The following UBR4 variants were observed in gnomAD, a reference collection of about 807,000 sequenced individuals.
UBR4 encodes the protein E3 ubiquitin-protein ligase UBR4.
In UBR4, 124 loss-of-function variants were observed where a neutral mutation model predicts 575.6. That is an observed-to-expected ratio of 0.22 (90% CI 0.19 to 0.25). The LOEUF is 0.25. UBR4 is among the 10% of genes least tolerant of loss of function. UBR4 has a pLI of 1.00. For missense variants in UBR4, 4,818 were observed against 6,478.8 expected (o/e 0.74, Z 8.80); for synonymous variants, 2,455 against 2,473.7 (o/e 0.99, Z 0.22).
intron 60 of UBR4, among the ~76,000 whole-genome samples, chr1:19,130,219 C>A (rs1227280640): frequency 6.6e-6 from 1 of 152,064 alleles, no homozygotes; most frequent in Non-Finnish European, 1.5e-5. Flanking sequence ...GAGCTACTGT[C>A]CCCAGCCCAG....
At chr1:19,177,784 A>G (rs369746256) in intron 18 of UBR4, 41 bp from the exon 19 acceptor site, 12 of 1,592,384 alleles carry the variant, frequency 7.5e-6, no homozygotes, top group Non-Finnish European at 1.0e-5. Flanking sequence ...TGGGAAAAAG[A>G]GCATTCCCCA....
intron 11 of UBR4, among the ~76,000 whole-genome samples, chr1:19,188,136 C>T (rs1184438646): frequency 1.3e-5 from 2 of 151,914 alleles, no homozygotes; most frequent in Non-Finnish European, 1.5e-5. Context: ...CAGTTCAAGG[C>T]TAATGGGTTA....
Position 19,172,851 on chromosome 1 carries a change from C to T in UBR4, c.3521+13G>A, listed in dbSNP as rs1171662911. ...GAGTGCATGTGCATCTCTGGGCAGGCAGTTCGCCACACCTGGTGAACGATG... is the reference window on the plus strand; with the variant it reads ...GAGTGCATGTGCATCTCTGGGCAGGTAGTTCGCCACACCTGGTGAACGATG... On this transcript the variant is annotated intron_variant, in intron 25 of 105. Coordinates refer to ENST00000375254, the MANE Select transcript of UBR4 (RefSeq NM_020765.3). The T allele has an allele frequency of 6.2e-7, 1 of 1,613,054 alleles. No individual in the cohort carries two copies. Among genetic ancestry groups the T allele is most frequent in the Non-Finnish European group, 8.5e-7 (1 of 1,179,038 alleles).
chr1:19,157,790 A>G lies in UBR4; in HGVS notation c.5760+25T>C. On this transcript the variant is annotated intron_variant, in intron 40 of 105. Transcript: ENST00000375254. The surrounding 1 kb of genome is among the most constrained non-coding windows in gnomAD (Gnocchi z 4.4). ...ATTTAAGACAATATGACCTAAAGTAAGCGCACAAGAATTGGAGGACCCACC... is the reference window on the plus strand; with the variant it reads ...ATTTAAGACAATATGACCTAAAGTAGGCGCACAAGAATTGGAGGACCCACC... The G allele has an allele frequency of 6.2e-7, 1 of 1,608,706 alleles. No individual in the cohort carries two copies. The highest frequency in any genetic ancestry group is 2.2e-5 in the East Asian group (1 of 44,688).
rs758044395 is a variant in UBR4 at position 19,139,650 on chromosome 1, T to C, written c.8594-430A>G. Among the ~76,000 whole-genome samples, 19 of 152,330 alleles carry C rather than the reference T, an allele frequency of 1.2e-4. No homozygotes were observed. The highest frequency in any genetic ancestry group is 2.5e-4 in the Non-Finnish European group (17 of 68,022). On this transcript the variant is annotated intron_variant, in intron 58 of 105. Transcript: ENST00000375254. This position sits in a 1 kb window ranked among gnomAD's most constrained non-coding sequence, Gnocchi z 4.2. ...AAACTAGCCATTACCATTCAAAGCATAGAACTCTGAATTTTAATGAGACTT... is the reference window on the plus strand; with the variant it reads ...AAACTAGCCATTACCATTCAAAGCACAGAACTCTGAATTTTAATGAGACTT...
intron 81 of UBR4, among the ~76,000 whole-genome samples, chr1:19,108,591 G>C (rs1487217084): frequency 6.6e-6 from 1 of 152,080 alleles, no homozygotes; most frequent in African/African-American, 2.4e-5. Context: ...TTTCATCAAG[G>C]ATATTCTTGA....
At chr1:19,176,796 A>G in intron 19 of UBR4, 69 bp from the exon 20 acceptor site, 5 of 1,549,788 alleles carry the variant, frequency 3.2e-6, no homozygotes, top group South Asian at 1.1e-5. Context: ...CTCAGGCATG[A>G]TAATAGCTCG....
In UBR4 at chr1:19,184,143, G is replaced by A. The variant is rs368696606; in HGVS notation, c.1971C>T (p.Phe657=). The change falls in exon 16 of 106, where the codon TTC becomes TTT. Residue 657 remains phenylalanine (F), a synonymous_variant. Transcript: ENST00000375254. The stretch of plus-strand genomic sequence containing the variant: ...GAGAGTTCAGCATGGAAGAGGTGAT[G>A]AAGTTCAAAATGTTGGAAGCCAGAC... ...FLGLASNILN[F]ITSSMLNSRN... 9 of 1,614,046 alleles carry A rather than the reference G, an allele frequency of 5.6e-6. No individual in the cohort carries two copies. In the African/African-American group the frequency reaches 1.1e-4, roughly 19 times the overall value.
chr1:19,137,967 G>GGA, intron 60 of UBR4, 40 bp downstream of exon 60: 1 of 1,439,746 alleles, frequency 6.9e-7, no homozygotes. Context: ...AATAGTCTCA[G>GGA]ATAGGCAAGC....
rs550718308 is a variant in UBR4, at chr1:19,144,650, T to A, written c.8067+136A>T. On this transcript the variant is annotated intron_variant, in intron 54 of 105. Coordinates refer to ENST00000375254, the MANE Select transcript of UBR4 (RefSeq NM_020765.3). Reference sequence around the variant, plus strand: ...CTTCCATGGAGTAAGATCTTAAAGCTTTTATTGATATTTGAAACTTCATTC... The same window carrying A: ...CTTCCATGGAGTAAGATCTTAAAGCATTTATTGATATTTGAAACTTCATTC... The A allele has an allele frequency of 3.9e-6, 5 of 1,279,354 alleles. No homozygotes were observed. The South Asian group carries it at 6.3e-5, about 16-fold the overall frequency. 79.3% of individuals were successfully genotyped at this position (1,279,354 alleles called of 1,614,324 possible). A position where few individuals can be genotyped will look rare whatever the true frequency, so the allele number is the denominator to read the frequency against.
chr1:19,167,995 A>G, intron 28 of UBR4, 32 bp downstream of exon 28: 1 of 1,578,466 alleles, frequency 6.3e-7, no homozygotes, highest in Non-Finnish European at 8.6e-7. Context: ...ATACAGACAT[A>G]GAGTCCTTGG....
chr1:19,075,843 G>C (rs919756989), intron 105 of UBR4, among the ~76,000 whole-genome samples: 20 of 152,224 alleles, frequency 1.3e-4, no homozygotes, highest in Non-Finnish European at 2.5e-4. Flanking sequence ...AGTGGGATCT[G>C]GGGGGAGTTT....
chr1:19,147,168 T>G (rs2084986877), intron 51 of UBR4, among the ~76,000 whole-genome samples, 168 bp from the exon 52 acceptor site: 1 of 152,200 alleles, frequency 6.6e-6, no homozygotes, highest in Non-Finnish European at 1.5e-5. Context: ...CTCATATAGT[T>G]AAGTTTCTTA....
intron 1 of UBR4, among the ~76,000 whole-genome samples, chr1:19,208,442 G>T (rs2093122328): frequency 7.3e-6 from 1 of 137,302 alleles, no homozygotes; most frequent in Admixed American, 7.3e-5. Flanking sequence ...ATTCCAGCCT[G>T]GGTGACAGAG....
rs2086555296 is a variant in UBR4, at chr1:19,157,101, T to C, written c.5761-176A>G. Reference sequence around the variant, plus strand: ...CTCTATTACTCCTGGCTAAAAGCTATGGAATGTATTTCCATGGAGGACAGA... The same window carrying C: ...CTCTATTACTCCTGGCTAAAAGCTACGGAATGTATTTCCATGGAGGACAGA... On this transcript the variant is annotated intron_variant, in intron 40 of 105. Coordinates refer to ENST00000375254, the MANE Select transcript of UBR4 (RefSeq NM_020765.3). This position sits in a 1 kb window ranked among gnomAD's most constrained non-coding sequence, Gnocchi z 4.4. Among the ~76,000 whole-genome samples, 1 of 152,228 alleles carries C rather than the reference T, an allele frequency of 6.6e-6. No individual in the cohort carries two copies. Among genetic ancestry groups the C allele is most frequent in the Non-Finnish European group, 1.5e-5 (1 of 68,042 alleles).
At position 19,117,806 on chromosome 1, in the gene UBR4, G is replaced by A. The variant is rs1241325844; in HGVS notation, c.10629+17C>T. 2 of 1,612,222 alleles carry A rather than the reference G, an allele frequency of 1.2e-6. No homozygotes were observed. Among genetic ancestry groups the A allele is most frequent in the African/African-American group, 2.7e-5 (2 of 74,884 alleles). On this transcript the variant is annotated intron_variant, in intron 72 of 105. Transcript: ENST00000375254. This position sits in a 1 kb window ranked among gnomAD's most constrained non-coding sequence, Gnocchi z 4.0. The stretch of plus-strand genomic sequence containing the variant: ...ACCTATTGGCCTCAGGACTGTCCAT[G>A]TACAGATGTTACTTACACAGAACGG...
chr1:19,202,916 C>G (rs2092814337), intron 1 of UBR4, among the ~76,000 whole-genome samples: 1 of 151,834 alleles, frequency 6.6e-6, no homozygotes, highest in African/African-American at 2.4e-5. Context: ...GAAACCCTGT[C>G]TCTACTAAAA....
chr1:19,203,865 C>A (rs2092872050), intron 1 of UBR4, among the ~76,000 whole-genome samples: 1 of 152,122 alleles, frequency 6.6e-6, no homozygotes, highest in African/African-American at 2.4e-5. Context: ...AAATAAAAAC[C>A]TTTCCACAAC....
chr1:19,148,464 A>G (rs758129618), intron 50 of UBR4, 99 bp downstream of exon 50: 138 of 1,429,580 alleles, frequency 9.7e-5, no homozygotes, highest in Non-Finnish European at 1.3e-4. Context: ...TTATGCTACT[A>G]TAAATGTTCT....
Sources: gnomAD v4.1 joint callset for allele counts (sites outside exome capture counted in the v4.1 genomes callset) on GRCh38, gnomAD v4.1.1 for gene constraint, Gnocchi (gnomAD v3.1) non-coding constraint, MANE v1.5 for transcripts, NCBI Gene and HGNC (gene_info 2026-07-23, HGNC 2026-07-21) for gene names.